PCDH11X: variants seen among roughly 807,000 people sequenced by gnomAD.
PCDH11X encodes protocadherin 11 X-linked, also known as protocadherin-11 X-linked.
A neutral mutation model predicts 53.3 loss-of-function variants in PCDH11X; 18 were observed. The ratio of observed to expected loss-of-function variants is 0.34; its 90% CI spans 0.23 to 0.50. PCDH11X has a LOEUF of 0.50. Among genes scored for constraint, PCDH11X ranks in the 20% least tolerant of loss-of-function variants. PCDH11X has a pLI of 0.98. For synonymous variants in PCDH11X, 279 were observed against 393.3 expected, an observed-to-expected ratio of 0.71 and a Z score of 3.44; for missense variants, 570 against 1,032.4, an observed-to-expected ratio of 0.55 and a Z score of 6.14.
At chrX:92,271,484 TC>T (rs1233336135) in intron 8 of PCDH11X, among the ~76,000 whole-genome samples, 5 of 111,767 alleles carry the variant, frequency 4.5e-5, no homozygotes, top group African/African-American at 1.3e-4. Context: ...GGCTCAAAGG[TC>T]CCGTTACAGA....
At chrX:92,296,401 C>T (rs1227155765) in intron 8 of PCDH11X, among the ~76,000 whole-genome samples, 1 of 106,395 alleles carries the variant, frequency 9.4e-6, no homozygotes, top group Non-Finnish European at 1.9e-5. Context: ...CTCCCCCGAC[C>T]CACCACCCTC....
chrX:92,328,978 GA>G (rs2069399596), intron 8 of PCDH11X, among the ~76,000 whole-genome samples: 1 of 110,943 alleles, frequency 9.0e-6, no homozygotes, highest in Non-Finnish European at 1.9e-5. Flanking sequence ...ACAAATATTT[GA>G]AGAGAAGAAA....
chrX:92,475,900 T>C (rs914639706), intron 10 of PCDH11X, among the ~76,000 whole-genome samples: 1 of 111,781 alleles, frequency 8.9e-6, no homozygotes, highest in African/African-American at 3.3e-5. Flanking sequence ...TCTGTGTATT[T>C]TCAAATAGCT....
At chrX:92,471,026 C>G (rs1020390516) in intron 10 of PCDH11X, among the ~76,000 whole-genome samples, 5 of 106,149 alleles carry the variant, frequency 4.7e-5, no homozygotes, top group African/African-American at 1.7e-4. Context: ...GGTATTAGTT[C>G]TTTCTTAAAT....
At chrX:92,100,810 C>T (rs987154771) in intron 6 of PCDH11X, among the ~76,000 whole-genome samples, 9 of 110,374 alleles carry the variant, frequency 8.2e-5, no homozygotes, top group Admixed American at 3.9e-4. Flanking sequence ...CTGCTTCAAG[C>T]GGGATCAGGG....
At chrX:91,828,722 G>A (rs2147604167) in intron 4 of PCDH11X, among the ~76,000 whole-genome samples, 1 of 111,753 alleles carries the variant, frequency 8.9e-6, no homozygotes, top group African/African-American at 3.3e-5. Context: ...TCTAAGATGT[G>A]TAGTTACTGA....
intron 10 of PCDH11X, among the ~76,000 whole-genome samples, chrX:92,537,358 A>AAG (rs1396301259): frequency 6.5e-4 from 71 of 109,808 alleles, no homozygotes; most frequent in Middle Eastern, 4.7e-3. Flanking sequence ...AAGGACATTG[A>AAG]AGAGAAAAAT....
intron 6 of PCDH11X, among the ~76,000 whole-genome samples, chrX:92,107,009 A>T (rs1242676061): frequency 8.9e-6 from 1 of 111,846 alleles, no homozygotes; most frequent in Admixed American, 9.5e-5. Flanking sequence ...GCATGATAAA[A>T]TCGAGGTCTC....
intron 8 of PCDH11X, among the ~76,000 whole-genome samples, chrX:92,353,702 A>C (rs775356613): frequency 9.2e-6 from 1 of 108,157 alleles, no homozygotes; most frequent in African/African-American, 3.4e-5. Context: ...TTTTCTTTCC[A>C]TTTCTTTAGC....
chrX:92,077,736 T>G (rs2148093236), intron 6 of PCDH11X, among the ~76,000 whole-genome samples: 1 of 110,839 alleles, frequency 9.0e-6, no homozygotes, highest in East Asian at 2.9e-4. Context: ...CATAAACTTC[T>G]AAAAGTAAGA....
intron 10 of PCDH11X, among the ~76,000 whole-genome samples, chrX:92,585,617 G>A (rs1195826333): frequency 1.8e-5 from 2 of 109,643 alleles, no homozygotes; most frequent in Admixed American, 9.7e-5. Context: ...TGATCCACCC[G>A]CCTCGGCCTC....
intron 9 of PCDH11X, among the ~76,000 whole-genome samples, chrX:92,466,383 G>A (rs1308853539): frequency 9.2e-6 from 1 of 108,193 alleles, no homozygotes; most frequent in Non-Finnish European, 1.9e-5. Context: ...TTCAAGATGG[G>A]CCTTTAGCTT....
intron 6 of PCDH11X, among the ~76,000 whole-genome samples, chrX:92,005,117 T>G (rs1455477998): frequency 5.4e-5 from 6 of 111,140 alleles, no homozygotes; most frequent in Non-Finnish European, 1.1e-4. Flanking sequence ...AAGCAACAGA[T>G]CAGTGGGTCT....
chrX:92,271,617 G>T (rs1367382131), intron 8 of PCDH11X, among the ~76,000 whole-genome samples: 1 of 111,744 alleles, frequency 8.9e-6, no homozygotes, highest in Non-Finnish European at 1.9e-5. Context: ...CCTATGGAGA[G>T]AATATTTCCT....
At chrX:92,191,470 C>T (rs1443811788) in intron 6 of PCDH11X, among the ~76,000 whole-genome samples, 3 of 111,689 alleles carry the variant, frequency 2.7e-5, no homozygotes, top group African/African-American at 6.5e-5. Flanking sequence ...AAATTAGAAA[C>T]GTCATTATTA....
intron 10 of PCDH11X, among the ~76,000 whole-genome samples, chrX:92,567,167 T>A (rs1921572651): frequency 9.6e-6 from 1 of 104,430 alleles, no homozygotes; most frequent in African/African-American, 3.5e-5. Flanking sequence ...GTGAAGAATG[T>A]CAATGGTACT....
intron 6 of PCDH11X, among the ~76,000 whole-genome samples, chrX:92,119,689 A>C (rs2148175200): frequency 8.9e-6 from 1 of 111,745 alleles, no homozygotes. Context: ...ATTATTTCTA[A>C]ATAAACTAAT....
At position 91,977,536 on chromosome X, in the gene PCDH11X, T is replaced by C. The variant is rs1354152491; in HGVS notation, c.3033+98263T>C. 3.6e-5 allele frequency among the ~76,000 whole-genome samples: 4 copies of C among 111,784 alleles called. No individual in the cohort carries two copies. In the East Asian group the frequency reaches 8.5e-4, roughly 24 times the overall value. On this transcript the variant is annotated intron_variant, in intron 6 of 10. Coordinates refer to ENST00000682573, the MANE Select transcript of PCDH11X (RefSeq NM_032968.5). The stretch of plus-strand genomic sequence containing the variant: ...CTCTTGCTTTCTCCTTAGCTATGAG[T>C]GAACTGAGTCAATGAGCACATGTTA...
chrX:92,287,882 G>C, intron 8 of PCDH11X: 1 of 500,246 alleles, frequency 2.0e-6, no homozygotes, highest in Non-Finnish European at 3.6e-6. Flanking sequence ...TTGTGATAGT[G>C]AGTTTGTTCT....
Sources: gnomAD v4.1 joint callset for allele counts (sites outside exome capture counted in the v4.1 genomes callset) on GRCh38, gnomAD v4.1.1 for gene constraint, MANE v1.5 for transcripts, NCBI Gene and HGNC (gene_info 2026-07-23, HGNC 2026-07-21) for gene names.